The following ABCB5 variants were observed in gnomAD, a reference collection of about 807,000 sequenced individuals.
The protein encoded by ABCB5 is ATP-binding cassette sub-family B member 5.
In ABCB5, 155 loss-of-function variants were observed where a neutral mutation model predicts 144.2. That is an observed-to-expected ratio of 1.08 (90% confidence interval 0.94 to 1.23). The LOEUF (loss-of-function observed/expected upper bound fraction) is 1.23. ABCB5 is among the 50% of genes most tolerant of loss of function. The pLI is 0.00. For synonymous variants in ABCB5, 610 were observed against 528.6 expected (o/e 1.15, Z -2.11); for missense variants, 1,830 against 1,520.8 (o/e 1.20, Z -3.38).
rs77679812 is a variant in ABCB5, at chr7:20,652,070, A to T, written c.1536+447A>T. On this transcript the variant is annotated intron_variant, in intron 13 of 27. Coordinates refer to ENST00000404938, the MANE Select transcript of ABCB5 (RefSeq NM_001163941.2). Reference sequence around the variant, plus strand: ...TGCAATTGAAAAAGAAAAAAATGAAAGATATGTTAAAGCATAACAAAGAAA... The same window carrying T: ...TGCAATTGAAAAAGAAAAAAATGAATGATATGTTAAAGCATAACAAAGAAA... Among the ~76,000 whole-genome samples the T allele has an allele frequency of 3.2e-3, 483 of 152,358 alleles. 9 individuals carry two copies. The highest frequency in any genetic ancestry group is 0.021 in the Admixed American group (325 of 15,308).
At chr7:20,714,684 G>T (rs768435085) in intron 20 of ABCB5, among the ~76,000 whole-genome samples, 70 of 152,102 alleles carry the variant, frequency 4.6e-4, no homozygotes, top group Non-Finnish European at 8.7e-4. Flanking sequence ...CTATAGAAAG[G>T]ATATAATTCT....
At chr7:20,638,541 T>C (rs1222713281) in intron 5 of ABCB5, among the ~76,000 whole-genome samples, 7 of 152,194 alleles carry the variant, frequency 4.6e-5, no homozygotes, top group Non-Finnish European at 1.0e-4. Flanking sequence ...TTGAGGCAAC[T>C]CCTTATCTGC....
chr7:20,706,516 A>T (rs550048993), intron 20 of ABCB5, among the ~76,000 whole-genome samples: 1 of 152,362 alleles, frequency 6.6e-6, no homozygotes, highest in African/African-American at 2.4e-5. Flanking sequence ...TACGGGGAAT[A>T]GTTGTCAACC....
At chr7:20,638,832 C>G (rs563564522) in intron 5 of ABCB5, among the ~76,000 whole-genome samples, 2 of 152,268 alleles carry the variant, frequency 1.3e-5, no homozygotes, top group Admixed American at 6.5e-5. Flanking sequence ...CTGATGTACA[C>G]TTCTTTGTGT....
At chr7:20,624,989 A>G (rs1783878389) in intron 2 of ABCB5, among the ~76,000 whole-genome samples, 1 of 152,212 alleles carries the variant, frequency 6.6e-6, no homozygotes, top group African/African-American at 2.4e-5. Flanking sequence ...CTTTCACAAA[A>G]CGACCCAAGC....
chr7:20,693,307 A>G (rs1185903127), intron 16 of ABCB5, among the ~76,000 whole-genome samples: 1 of 152,154 alleles, frequency 6.6e-6, no homozygotes, highest in African/African-American at 2.4e-5. Flanking sequence ...TTGAGGCTGC[A>G]GTGAGCTATG....
chr7:20,665,168 T>TTA (rs1173733530), intron 14 of ABCB5, among the ~76,000 whole-genome samples: 1 of 152,210 alleles, frequency 6.6e-6, no homozygotes, highest in African/African-American at 2.4e-5. Flanking sequence ...AAGTGTTTCT[T>TTA]TTCTAAAGGG....
chr7:20,751,941 C>A (rs999807766), intron 26 of ABCB5, among the ~76,000 whole-genome samples: 2 of 152,212 alleles, frequency 1.3e-5, no homozygotes, highest in African/African-American at 4.8e-5. Context: ...TCCTTTGCTA[C>A]AAAGCATGCA....
At chr7:20,711,113 G>C (rs1422276881) in intron 20 of ABCB5, among the ~76,000 whole-genome samples, 1 of 147,712 alleles carries the variant, frequency 6.8e-6, no homozygotes, top group Admixed American at 6.8e-5. Context: ...TTGTCATACA[G>C]TCTCCTTCTA....
At chr7:20,678,997 A>G (rs1271245039) in intron 14 of ABCB5, among the ~76,000 whole-genome samples, 1 of 152,240 alleles carries the variant, frequency 6.6e-6, no homozygotes, top group Admixed American at 6.5e-5. Context: ...ATCACATCCA[A>G]ATATGAAAGG....
chr7:20,654,495 C>T (rs1413312644), intron 13 of ABCB5, among the ~76,000 whole-genome samples: 1 of 152,158 alleles, frequency 6.6e-6, no homozygotes, highest in Non-Finnish European at 1.5e-5. Context: ...TAACAGGCAG[C>T]TAGATTTCAC....
Position 20,658,512 on chromosome 7 carries a change from A to T in ABCB5, c.1543A>T (p.Asn515Tyr). ...DFIMEFPNKF[N>Y]TLVGEKGAQM... ...CTTTCCTATTTTTCATTAGAAATTT[A>T]ATACATTGGTAGGGGAAAAAGGAGC... Residue 515 changes from asparagine (N) to tyrosine (Y), a missense_variant, in exon 14 of 28, where the codon AAT becomes TAT. Asn to Tyr is a moderately radical substitution (Grantham distance 143). Coordinates refer to ENST00000404938, the MANE Select transcript of ABCB5 (RefSeq NM_001163941.2). 6.2e-7 allele frequency: 1 copy of T among 1,611,890 alleles called. No individual in the cohort carries two copies.
rs369991802 is a variant in ABCB5, at chr7:20,739,064, G to A, written c.2949G>A (p.Ser983=). Residue 983 remains serine, a synonymous_variant, in exon 24 of 28, where the codon TCG becomes TCA. Coordinates refer to ENST00000404938, the MANE Select transcript of ABCB5 (RefSeq NM_001163941.2). ...VLAPEYSKAK[S]GAAHLFALLE... is the part of the protein sequence containing the mutation. ...CTCCTGAATATTCCAAAGCCAAATC[G>A]GGGGCTGCGCATCTGTTTGCCTTGT... The A allele has an allele frequency of 1.4e-5, 23 of 1,611,976 alleles. No homozygotes were observed. The highest frequency in any genetic ancestry group is 1.8e-5 in the Non-Finnish European group (21 of 1,179,132).
chr7:20,652,339 G>A (rs1784622334), intron 13 of ABCB5, among the ~76,000 whole-genome samples: 1 of 152,164 alleles, frequency 6.6e-6, no homozygotes, highest in African/African-American at 2.4e-5. Flanking sequence ...AGGCCGAGGT[G>A]GGCAGATCAC....
chr7:20,714,772 C>G (rs773229024), intron 20 of ABCB5, among the ~76,000 whole-genome samples: 1 of 152,172 alleles, frequency 6.6e-6, no homozygotes, highest in African/African-American at 2.4e-5. Flanking sequence ...GTACAAGCCA[C>G]TTCGTAGAAA....
In ABCB5 at chr7:20,681,078, T is replaced by C. The variant is rs372690666; in HGVS notation, c.1708-427T>C. On this transcript the variant is annotated intron_variant, in intron 14 of 27. Coordinates refer to ENST00000404938, the MANE Select transcript of ABCB5 (RefSeq NM_001163941.2). ...TCTCTCTCTTTCTTTCTTTCTTTCT[T>C]TCTTTCTTTCTTTCTTTCTTTCTTT... 3.2e-3 allele frequency among the ~76,000 whole-genome samples: 30 copies of C among 9,316 alleles called. 3 individuals carry two copies. Among genetic ancestry groups the C allele is most frequent in the African/African-American group, 0.016 (27 of 1,724 alleles). The allele number at this position is 9,316 out of a possible 152,430, so 6.1% of individuals were successfully genotyped here.
intron 2 of ABCB5, among the ~76,000 whole-genome samples, chr7:20,623,911 G>A (rs1489433956): frequency 6.6e-6 from 1 of 152,142 alleles, no homozygotes; most frequent in Non-Finnish European, 1.5e-5. Flanking sequence ...AGGTCATGTA[G>A]TTTATTAATT....
intron 20 of ABCB5, among the ~76,000 whole-genome samples, chr7:20,716,293 T>C (rs1781673323): frequency 6.6e-6 from 1 of 152,196 alleles, no homozygotes; most frequent in South Asian, 2.1e-4. Context: ...CCCTATCAAG[T>C]AATTGATGAC....
At chr7:20,681,054 CTCTCTCTTTCTTTCTTTCTTTCTT>C (rs1785794590) in intron 14 of ABCB5, among the ~76,000 whole-genome samples, 3 of 45,378 alleles carry the variant, frequency 6.6e-5, no homozygotes, top group African/African-American at 3.9e-4. Context: ...CTTTCTCTCT[CTCTCTCTTTCTTTCTTTCTTTCTT>C]TCTTTCTTTC....
Sources: gnomAD v4.1 joint callset for allele counts (sites outside exome capture counted in the v4.1 genomes callset) on GRCh38, gnomAD v4.1.1 for gene constraint, MANE v1.5 for transcripts, NCBI Gene and HGNC (gene_info 2026-07-23, HGNC 2026-07-21) for gene names.